Variants in FKBP5 observed in about 807,000 individuals in gnomAD.
FKBP5 encodes the protein peptidyl-prolyl cis-trans isomerase FKBP5.
A neutral mutation model predicts 50.5 loss-of-function variants in FKBP5; 23 were observed. The observed-to-expected ratio is 0.46, with a 90% CI of 0.33 to 0.65. FKBP5 has a LOEUF of 0.65. FKBP5 is among the 30% of genes least tolerant of loss of function. The pLI, the probability that FKBP5 is intolerant of heterozygous loss-of-function variation, is 0.02. For synonymous variants in FKBP5, 176 were observed against 190.6 expected, an observed-to-expected ratio of 0.92 and a Z score of 0.63; for missense variants, 411 against 553.1, an observed-to-expected ratio of 0.74 and a Z score of 2.58.
intron 1 of FKBP5, among the ~76,000 whole-genome samples, chr6:35,656,243 T>C (rs556279270): frequency 4.6e-4 from 70 of 152,234 alleles, no homozygotes; most frequent in Admixed American, 1.2e-3. Context: ...CATAAAAATA[T>C]GGAAGGAAGA....
chr6:35,594,317 C>T (rs1762910946), intron 6 of FKBP5, among the ~76,000 whole-genome samples: 1 of 151,590 alleles, frequency 6.6e-6, no homozygotes, highest in African/African-American at 2.4e-5. Context: ...CCTACTCCAG[C>T]CTAGGTGAAA....
intron 7 of FKBP5, among the ~76,000 whole-genome samples, chr6:35,587,377 C>T (rs545449568): frequency 2.0e-5 from 3 of 152,270 alleles, no homozygotes; most frequent in South Asian, 2.1e-4. Flanking sequence ...CAGTAAGGAA[C>T]GTACTCTGGT....
intron 1 of FKBP5, among the ~76,000 whole-genome samples, chr6:35,657,624 A>C (rs1581858955): frequency 6.6e-6 from 1 of 152,150 alleles, no homozygotes; most frequent in East Asian, 1.9e-4. Context: ...ACATCTGCAA[A>C]GTCCTTTCTG....
At chr6:35,671,789 C>T (rs1435085657) in intron 1 of FKBP5, among the ~76,000 whole-genome samples, 1 of 151,674 alleles carries the variant, frequency 6.6e-6, no homozygotes, top group East Asian at 1.9e-4. Context: ...ACAGAAGTTC[C>T]AACACAATAT....
chr6:35,703,992 A>G (rs908983618), intron 2 of FKBP5, among the ~76,000 whole-genome samples: 1 of 152,178 alleles, frequency 6.6e-6, no homozygotes, highest in African/African-American at 2.4e-5. Context: ...CTGGAAGCTT[A>G]GCCTGGAATC....
chr6:35,610,382 C>T lies in FKBP5; in HGVS notation c.508+8714G>A, dbSNP rs188201665. ...GAGATCGAGACCATCCTGGCTAACACGGTGAAACCCCGTCTCTACTAAAAA... is the reference window on the plus strand; with the variant it reads ...GAGATCGAGACCATCCTGGCTAACATGGTGAAACCCCGTCTCTACTAAAAA... On this transcript the variant is annotated intron_variant, in intron 5 of 10. Transcript: ENST00000357266. 2.8e-3 allele frequency among the ~76,000 whole-genome samples: 424 copies of T among 151,646 alleles called. 2 individuals carry two copies. Among genetic ancestry groups the T allele is most frequent in the Non-Finnish European group, 5.0e-3 (342 of 67,878 alleles).
At chr6:35,583,527 T>C in intron 8 of FKBP5, 2 of 985,470 alleles carry the variant, frequency 2.0e-6, no homozygotes, top group Non-Finnish European at 2.4e-6. Flanking sequence ...AAAGTCTGTC[T>C]TGTACTCCCT....
chr6:35,708,950 G>T (rs1025149219), intron 2 of FKBP5, among the ~76,000 whole-genome samples: 16 of 152,150 alleles, frequency 1.1e-4, no homozygotes, highest in African/African-American at 3.6e-4. Flanking sequence ...ATTAGAGAGA[G>T]AAATCAATGT....
chr6:35,583,203 T>TGTCA, intron 8 of FKBP5: 1 of 985,438 alleles, frequency 1.0e-6, no homozygotes, highest in Non-Finnish European at 1.2e-6. Flanking sequence ...GCATTTCCCC[T>TGTCA]GTCATGCCTC....
intron 5 of FKBP5, among the ~76,000 whole-genome samples, chr6:35,613,181 CTA>C (rs1763542829): frequency 1.3e-5 from 2 of 152,172 alleles, no homozygotes; most frequent in Non-Finnish European, 2.9e-5. Context: ...CTTGTTCACT[CTA>C]TAGCCGGCTT....
intron 9 of FKBP5, among the ~76,000 whole-genome samples, 199 bp downstream of exon 9, chr6:35,579,836 AT>A (rs1238673989): frequency 6.6e-6 from 1 of 152,236 alleles, no homozygotes; most frequent in Non-Finnish European, 1.5e-5. Context: ...CAGTCTAGGT[AT>A]CATAAAAGTC....
At chr6:35,633,236 TA>T (rs1764214316) in intron 3 of FKBP5, among the ~76,000 whole-genome samples, 1 of 151,990 alleles carries the variant, frequency 6.6e-6, no homozygotes, top group Non-Finnish European at 1.5e-5. Flanking sequence ...TACCTAATGC[TA>T]TAAAATATAA....
intron 1 of FKBP5, among the ~76,000 whole-genome samples, chr6:35,687,878 C>T (rs1212235831): frequency 6.6e-6 from 1 of 152,222 alleles, no homozygotes; most frequent in Non-Finnish European, 1.5e-5. Context: ...TACGATGGTC[C>T]TGCCGGTTCG....
chr6:35,610,876 C>G (rs1370470966), intron 5 of FKBP5, among the ~76,000 whole-genome samples: 2 of 152,034 alleles, frequency 1.3e-5, no homozygotes, highest in Non-Finnish European at 1.5e-5. Flanking sequence ...TTTAACTGGT[C>G]TGGGTGTCAG....
chr6:35,635,646 T>A (rs1764289084), intron 3 of FKBP5, among the ~76,000 whole-genome samples: 1 of 152,126 alleles, frequency 6.6e-6, no homozygotes, highest in Non-Finnish European at 1.5e-5. Flanking sequence ...AATAACCCCA[T>A]GTTAATATAA....
At chr6:35,638,060 A>G (rs1764367170) in intron 2 of FKBP5, among the ~76,000 whole-genome samples, 1 of 152,232 alleles carries the variant, frequency 6.6e-6, no homozygotes, top group South Asian at 2.1e-4. Flanking sequence ...CTTGTTTTCT[A>G]GTAAAGTATT....
intron 3 of FKBP5, among the ~76,000 whole-genome samples, chr6:35,626,714 A>G (rs922684006): frequency 1.9e-4 from 29 of 152,216 alleles, no homozygotes; most frequent in African/African-American, 6.8e-4. Context: ...TAGATAACTC[A>G]TATAAGTGGA....
chr6:35,721,825 CCAAGCCTCAGTTT>C (rs1228353964), intron 1 of FKBP5, among the ~76,000 whole-genome samples: 1 of 152,242 alleles, frequency 6.6e-6, no homozygotes, highest in Non-Finnish European at 1.5e-5. Context: ...ACCTTCCTGA[CCAAGCCTCAGTTT>C]CCATCTCTAC....
chr6:35,620,147 T>C lies in FKBP5; in HGVS notation c.378A>G (p.Ala126=). The part of the protein sequence containing the change: ...AGSLPKIPSN[A]TLFFEIELLD... ...ACATACTTGCCTCAAAAAAGAGAGT[T>C]GCATTCGAGGGAATTTTAGGGAGAC... Residue 126 remains alanine (A), a synonymous_variant, in exon 4 of 11, where the codon GCA becomes GCG. Coordinates refer to ENST00000357266, the MANE Select transcript of FKBP5 (RefSeq NM_004117.4). 7 of 1,614,134 alleles carry C rather than the reference T, an allele frequency of 4.3e-6. No individual in the cohort carries two copies. Among genetic ancestry groups the C allele is most frequent in the Non-Finnish European group, 5.1e-6 (6 of 1,180,018 alleles).
Sources: gnomAD v4.1 joint callset for allele counts (sites outside exome capture counted in the v4.1 genomes callset) on GRCh38, gnomAD v4.1.1 for gene constraint, MANE v1.5 for transcripts, NCBI Gene and HGNC (gene_info 2026-07-23, HGNC 2026-07-21) for gene names.